The following RIN2 variants were observed in gnomAD, a reference collection of about 807,000 sequenced individuals.
RIN2 encodes the protein RAB5 interacting protein 2.
RIN2 carries 36 observed loss-of-function variants against 78.0 expected under a neutral mutation model. That is an observed-to-expected ratio of 0.46 (90% CI 0.35 to 0.61). RIN2 has a LOEUF of 0.61. Among genes scored for constraint, RIN2 ranks in the 20% least tolerant of loss-of-function variants. RIN2 has a pLI of 0.00. For synonymous variants in RIN2, 466 were observed against 466.8 expected (o/e 1.00, Z 0.02); for missense variants, 1,087 against 1,159.7 (o/e 0.94, Z 0.91).
At chr20:19,821,806 C>T (rs1341114415) in intron 2 of RIN2, among the ~76,000 whole-genome samples, 1 of 152,158 alleles carries the variant, frequency 6.6e-6, no homozygotes, top group Non-Finnish European at 1.5e-5. Flanking sequence ...TTGCACTGGT[C>T]ACAGATCTGT....
chr20:19,784,730 G>C (rs2122559525), intron 1 of RIN2, among the ~76,000 whole-genome samples: 1 of 152,220 alleles, frequency 6.6e-6, no homozygotes, highest in African/African-American at 2.4e-5. Flanking sequence ...GCATTGGGCG[G>C]GGACCACAGA....
At chr20:19,877,961 A>C (rs1483293092) in intron 2 of RIN2, among the ~76,000 whole-genome samples, 1 of 152,200 alleles carries the variant, frequency 6.6e-6, no homozygotes. Flanking sequence ...TTGAGGCTGC[A>C]GTAAGCCATG....
chr20:19,786,766 G>T (rs1403224089), intron 1 of RIN2, among the ~76,000 whole-genome samples: 2 of 152,204 alleles, frequency 1.3e-5, no homozygotes, highest in Non-Finnish European at 2.9e-5. Flanking sequence ...TGCTGTTTTG[G>T]ATAATTTTTA....
chr20:19,866,845 G>C (rs374184435), intron 2 of RIN2, among the ~76,000 whole-genome samples: 2 of 151,860 alleles, frequency 1.3e-5, no homozygotes, highest in Admixed American at 6.6e-5. Flanking sequence ...GGCTGATCTC[G>C]ATCTCCTGAC....
chr20:19,827,105 A>C (rs772086399), intron 2 of RIN2, among the ~76,000 whole-genome samples: 1 of 151,486 alleles, frequency 6.6e-6, no homozygotes, highest in African/African-American at 2.4e-5. Context: ...ACTCCCGAGT[A>C]GCTGGGATTA....
At chr20:19,929,570 G>C (rs1008621568) in intron 3 of RIN2, among the ~76,000 whole-genome samples, 2 of 151,970 alleles carry the variant, frequency 1.3e-5, no homozygotes, top group South Asian at 4.2e-4. Context: ...TCATGTTGGC[G>C]AGGCTGGTTT....
At chr20:19,799,525 T>A (rs1158052108) in intron 1 of RIN2, 97 bp from the exon 2 acceptor site, 1 of 152,206 alleles carries the variant, frequency 6.6e-6, no homozygotes, top group Non-Finnish European at 1.5e-5. Context: ...CAATGTCTCC[T>A]CCCAGAGCCA....
At chr20:19,939,404 C>T (rs1315204442) in intron 4 of RIN2, among the ~76,000 whole-genome samples, 1 of 152,190 alleles carries the variant, frequency 6.6e-6, no homozygotes, top group Non-Finnish European at 1.5e-5. Flanking sequence ...ACTGCAGTAG[C>T]CCCTGCCTGG....
chr20:19,796,984 G>A (rs986511170), intron 1 of RIN2, among the ~76,000 whole-genome samples: 10 of 152,214 alleles, frequency 6.6e-5, no homozygotes, highest in African/African-American at 2.4e-4. Context: ...TAATGGGGGA[G>A]GATGAATGAA....
chr20:19,850,797 TCCTA>T (rs1316973408), intron 2 of RIN2, among the ~76,000 whole-genome samples: 1 of 152,104 alleles, frequency 6.6e-6, no homozygotes, highest in Non-Finnish European at 1.5e-5. Context: ...AAAACCTGTC[TCCTA>T]AAAATACAAA....
At chr20:19,897,922 C>G (rs905610784) in intron 3 of RIN2, among the ~76,000 whole-genome samples, 3 of 152,086 alleles carry the variant, frequency 2.0e-5, no homozygotes, top group Non-Finnish European at 4.4e-5. Context: ...CTTCGTTGCC[C>G]CGTCTGGTCT....
chr20:19,968,454 T>TGTGTGCGTGTGCATGC (rs1484399188), intron 7 of RIN2, among the ~76,000 whole-genome samples: 1 of 152,182 alleles, frequency 6.6e-6, no homozygotes, highest in African/African-American at 2.4e-5. Context: ...TGTGTGAGTG[T>TGTGTGCGTGTGCATGC]GTGTGCGTGT....
intron 8 of RIN2, among the ~76,000 whole-genome samples, chr20:19,971,629 T>G (rs1568681781): frequency 6.6e-6 from 1 of 152,156 alleles, no homozygotes; most frequent in South Asian, 2.1e-4. Flanking sequence ...CTCTGGCATA[T>G]TTTTCTCTTA....
intron 9 of RIN2, among the ~76,000 whole-genome samples, chr20:19,986,029 AG>A (rs934134362): frequency 2.0e-5 from 3 of 152,202 alleles, no homozygotes; most frequent in African/African-American, 7.2e-5. Context: ...TTGTTCTGAG[AG>A]TTTAAAAGGT....
At chr20:19,855,210 C>T (rs2037126245) in intron 2 of RIN2, among the ~76,000 whole-genome samples, 1 of 151,928 alleles carries the variant, frequency 6.6e-6, no homozygotes, top group Non-Finnish European at 1.5e-5. Flanking sequence ...TTGAACCAGC[C>T]TTGCATCCCA....
chr20:19,953,120 G>A (rs73605555), intron 4 of RIN2, among the ~76,000 whole-genome samples: 8,542 of 151,454 alleles, frequency 0.056, 497 homozygotes, highest in East Asian at 0.29. Flanking sequence ...TTGGTTGCAC[G>A]TTGGGATCCC....
intron 2 of RIN2, among the ~76,000 whole-genome samples, chr20:19,872,999 T>C (rs953449850): frequency 7.2e-5 from 11 of 152,188 alleles, no homozygotes; most frequent in Non-Finnish European, 1.3e-4. Context: ...TTTTTTAAAC[T>C]CATTAGTGAA....
chr20:19,904,248 T>C (rs1403746084), intron 3 of RIN2, among the ~76,000 whole-genome samples: 3 of 144,116 alleles, frequency 2.1e-5, no homozygotes, highest in Admixed American at 1.4e-4. Context: ...AAAATATATA[T>C]ATATATATAT....
At chr20:19,856,785 C>G (rs1291196756) in intron 2 of RIN2, among the ~76,000 whole-genome samples, 1 of 152,096 alleles carries the variant, frequency 6.6e-6, no homozygotes, top group Non-Finnish European at 1.5e-5. Context: ...ATTCCAGCGA[C>G]TGGTCATCAG....
Sources: allele counts gnomAD v4.1 joint callset (sites outside exome capture counted in the v4.1 genomes callset), GRCh38; gene constraint gnomAD v4.1.1; transcripts MANE v1.5; gene names NCBI Gene and HGNC (gene_info 2026-07-23, HGNC 2026-07-21).